Variants in TLN2 observed in about 807,000 individuals in gnomAD.
The protein encoded by TLN2 is talin-2.
Under a neutral mutation model 294.7 loss-of-function variants are expected in TLN2, and 118 were observed. The ratio of observed to expected loss-of-function variants is 0.40; its 90% CI spans 0.34 to 0.47. TLN2 has a LOEUF of 0.47. TLN2 is among the 20% of genes least tolerant of loss of function. The probability of loss-of-function intolerance (pLI) is 0.84; values close to 1 mark genes in which losing one functional copy is unlikely to be tolerated. For synonymous variants in TLN2, 1,431 were observed against 1,304.5 expected (o/e 1.10, Z -2.09); for missense variants, 3,083 against 3,282.2 (o/e 0.94, Z 1.48).
intron 43 of TLN2, among the ~76,000 whole-genome samples, chr15:62,780,140 C>A: frequency 6.6e-6 from 1 of 152,292 alleles, no homozygotes; most frequent in East Asian, 1.9e-4. Flanking sequence ...GTCAACAGCC[C>A]CCTCCTGTTC....
intron 1 of TLN2, among the ~76,000 whole-genome samples, chr15:62,513,106 C>G (rs974389399): frequency 6.6e-6 from 1 of 152,224 alleles, no homozygotes; most frequent in Non-Finnish European, 1.5e-5. Context: ...CCCAAGTTCT[C>G]CACTTTGCTC....
chr15:62,755,822 T>G, intron 37 of TLN2, 129 bp downstream of exon 37: 1 of 1,269,668 alleles, frequency 7.9e-7, no homozygotes, highest in Non-Finnish European at 1.1e-6. Flanking sequence ...GTCTTATGGT[T>G]TGTGTCACTG....
At chr15:62,671,935 G>T (rs2055480809) in intron 9 of TLN2, among the ~76,000 whole-genome samples, 1 of 151,918 alleles carries the variant, frequency 6.6e-6, no homozygotes, top group African/African-American at 2.4e-5. Context: ...ATTCTTTATT[G>T]CCAAGAATAC....
intron 1 of TLN2, among the ~76,000 whole-genome samples, chr15:62,460,866 C>T (rs1316467647): frequency 6.6e-6 from 1 of 152,086 alleles, no homozygotes; most frequent in Non-Finnish European, 1.5e-5. Flanking sequence ...TTCAGAAGCC[C>T]CCTGATACCC....
At chr15:62,742,358 C>T (rs564334205) in intron 32 of TLN2, among the ~76,000 whole-genome samples, 1 of 151,962 alleles carries the variant, frequency 6.6e-6, no homozygotes, top group Non-Finnish European at 1.5e-5. Flanking sequence ...TACAAAGGAG[C>T]CTTTGGATAA....
intron 28 of TLN2, among the ~76,000 whole-genome samples, chr15:62,733,699 T>C (rs1302997937): frequency 2.6e-5 from 4 of 152,262 alleles, no homozygotes; most frequent in Non-Finnish European, 5.9e-5. Context: ...ATATTTGATA[T>C]CACTTGATAT....
chr15:62,730,422 C>T (rs1037015885), intron 28 of TLN2, among the ~76,000 whole-genome samples: 8 of 152,140 alleles, frequency 5.3e-5, no homozygotes, highest in African/African-American at 1.9e-4. Context: ...ATTTGGATTT[C>T]CTCCCATAGT....
chr15:62,668,055 G>T (rs903050666), intron 9 of TLN2, among the ~76,000 whole-genome samples: 1 of 152,118 alleles, frequency 6.6e-6, no homozygotes, highest in East Asian at 1.9e-4. Flanking sequence ...TGAGGGTGGG[G>T]AAATGGGGAG....
At chr15:62,658,279 C>T in intron 9 of TLN2, 1 of 180,194 alleles carries the variant, frequency 5.5e-6, no homozygotes, top group Non-Finnish European at 1.1e-5. Context: ...TGCCAGTCAG[C>T]ATGAGATGTG....
intron 9 of TLN2, among the ~76,000 whole-genome samples, chr15:62,667,804 A>G (rs1048324537): frequency 6.6e-6 from 1 of 152,228 alleles, no homozygotes; most frequent in African/African-American, 2.4e-5. Flanking sequence ...TTGTAGAGGC[A>G]GCTTAAATTT....
chr15:62,596,098 C>T (rs1182279666), intron 2 of TLN2, among the ~76,000 whole-genome samples: 1 of 151,648 alleles, frequency 6.6e-6, no homozygotes, highest in African/African-American at 2.4e-5. Flanking sequence ...CCCGTCTCTG[C>T]TAAAAAAATA....
intron 1 of TLN2, among the ~76,000 whole-genome samples, chr15:62,482,204 A>G (rs1030840789): frequency 2.0e-5 from 3 of 152,224 alleles, no homozygotes; most frequent in Non-Finnish European, 4.4e-5. Flanking sequence ...ATAAAAACAT[A>G]TTGCATTGCA....
chr15:62,488,697 T>C (rs1463132806), intron 1 of TLN2, among the ~76,000 whole-genome samples: 2 of 152,224 alleles, frequency 1.3e-5, no homozygotes, highest in Non-Finnish European at 2.9e-5. Flanking sequence ...GCCTGAGTGA[T>C]TATTTTCAGA....
At position 62,390,614 on chromosome 15, in the gene TLN2, C is replaced by A. The variant is rs997394850; in HGVS notation, c.-309C>A. ...GCGGCTGCGGGAGCGGAGTGGTCGC[C>A]CAGCGCGCGGGGGGACGCGGGCTGC... On this transcript the variant is annotated 5_prime_UTR_variant, in exon 1 of 59. Coordinates refer to ENST00000636159, the MANE Select transcript of TLN2 (RefSeq NM_015059.3). 4 of 152,072 alleles carry A rather than the reference C, an allele frequency of 2.6e-5. No individual in the cohort carries two copies. The highest frequency in any genetic ancestry group is 6.5e-5 in the Admixed American group (1 of 15,282). The allele number at this position is 152,072 out of a possible 1,614,324, so 9.4% of individuals were successfully genotyped here. A position where few individuals can be genotyped will look rare whatever the true frequency, so the allele number is the denominator to read the frequency against.
chr15:62,538,951 A>T (rs893082936), intron 1 of TLN2, among the ~76,000 whole-genome samples: 2 of 152,220 alleles, frequency 1.3e-5, no homozygotes, highest in Non-Finnish European at 2.9e-5. Flanking sequence ...CTTCAGAGAA[A>T]CATAAAATGT....
intron 22 of TLN2, among the ~76,000 whole-genome samples, chr15:62,715,388 C>G (rs1213497543): frequency 6.6e-6 from 1 of 152,230 alleles, no homozygotes; most frequent in Non-Finnish European, 1.5e-5. Flanking sequence ...CTATAGACAT[C>G]AAGCACATGT....
Position 62,716,464 on chromosome 15 carries a change from G to A in TLN2, c.2763+5G>A. The A allele has an allele frequency of 6.3e-7, 1 of 1,590,764 alleles. No homozygotes were observed. On this transcript the variant is annotated splice_donor_5th_base_variant and intron_variant, in intron 23 of 58. Transcript: ENST00000636159. ...AAAATTGTCAACCGACTGGAGGTAAGGAAAGAGGCTGCCTTTCTGGGATGC... is the reference window on the plus strand; with the variant it reads ...AAAATTGTCAACCGACTGGAGGTAAAGAAAGAGGCTGCCTTTCTGGGATGC...
intron 3 of TLN2, among the ~76,000 whole-genome samples, chr15:62,639,843 A>T (rs774722514): frequency 6.6e-6 from 1 of 152,208 alleles, no homozygotes; most frequent in Non-Finnish European, 1.5e-5. Flanking sequence ...AACTTCCAGG[A>T]AATGTGGCTC....
intron 1 of TLN2, among the ~76,000 whole-genome samples, chr15:62,584,167 A>G (rs1389442556): frequency 6.6e-6 from 1 of 152,254 alleles, no homozygotes; most frequent in Non-Finnish European, 1.5e-5. Flanking sequence ...GTCCCAAGAC[A>G]TAGACCACAA....
Sources: gnomAD v4.1 joint callset for allele counts (sites outside exome capture counted in the v4.1 genomes callset) on GRCh38, gnomAD v4.1.1 for gene constraint, MANE v1.5 for transcripts, NCBI Gene and HGNC (gene_info 2026-07-23, HGNC 2026-07-21) for gene names.